NOCT: variants seen among roughly 807,000 people sequenced by gnomAD.
The protein encoded by NOCT is nocturnin.
In NOCT, 18 loss-of-function variants were observed where a neutral mutation model predicts 35.0. The observed-to-expected ratio is 0.51, with a 90% CI of 0.36 to 0.76. NOCT has a LOEUF of 0.76. Among genes scored for constraint, NOCT ranks in the 30% least tolerant of loss-of-function variants. The probability of loss-of-function intolerance (pLI) is 0.01; values close to 1 mark genes in which losing one functional copy is unlikely to be tolerated. For synonymous variants in NOCT, 235 were observed against 226.3 expected (o/e 1.04, Z -0.34); for missense variants, 479 against 541.0 (o/e 0.89, Z 1.14).
chr4:139,024,893 C>T (rs564271773), intron 1 of NOCT, among the ~76,000 whole-genome samples: 60 of 152,288 alleles, frequency 3.9e-4, no homozygotes, highest in Non-Finnish European at 7.9e-4. Flanking sequence ...TGTGAGCCAC[C>T]GCGCCCAGCC....
At position 139,023,542 on chromosome 4, in the gene NOCT, C is replaced by T. The variant is rs181827589; in HGVS notation, c.190+7371C>T. Among the ~76,000 whole-genome samples the T allele has an allele frequency of 1.2e-4, 19 of 152,250 alleles. 1 individual carries two copies. Among genetic ancestry groups the T allele is most frequent in the Admixed American group, 1.2e-3 (19 of 15,290 alleles). On this transcript the variant is annotated intron_variant, in intron 1 of 2. Coordinates refer to ENST00000280614, the MANE Select transcript of NOCT (RefSeq NM_012118.4). ...ATGGAGTCTTGCTCTGTTCCTCAAG[C>T]TGGAGTACGATGGCGCGATGTCAGC... is the stretch of plus-strand genomic sequence containing the variant.
chr4:139,035,541 G>GC (rs1726715274), intron 1 of NOCT, among the ~76,000 whole-genome samples: 1 of 152,098 alleles, frequency 6.6e-6, no homozygotes, highest in Admixed American at 6.6e-5. Flanking sequence ...TTTCACTGCT[G>GC]CCCCCCAGTT....
chr4:139,018,460 C>T lies in NOCT; in HGVS notation c.190+2289C>T, dbSNP rs1489425370. Among the ~76,000 whole-genome samples the T allele has an allele frequency of 2.0e-5, 3 of 152,286 alleles. No homozygotes were observed. The East Asian group carries it at 5.8e-4, about 29-fold the overall frequency. On this transcript the variant is annotated intron_variant, in intron 1 of 2. Coordinates refer to ENST00000280614, the MANE Select transcript of NOCT (RefSeq NM_012118.4). ...ACTTCTTTTAAGAAATCCCCTGAAA[C>T]CCCCTAGTTTTACAGATAAGGAAAT...
At chr4:139,033,246 A>C (rs28650192) in intron 1 of NOCT, among the ~76,000 whole-genome samples, 151,863 of 151,918 alleles carry the variant, frequency 1, 75,904 homozygotes, top group Middle Eastern at 1. Flanking sequence ...GTGACATAAT[A>C]CCAGCTACTC....
At chr4:139,043,483 C>A (rs931152292) in intron 2 of NOCT, 140 bp downstream of exon 2, 4 of 768,444 alleles carry the variant, frequency 5.2e-6, no homozygotes, top group Non-Finnish European at 8.6e-6. Flanking sequence ...TGGAGAGCTC[C>A]TAGAAGAGGT....
Position 139,044,619 on chromosome 4 carries a change from G to T in NOCT, c.461-20G>T. 1 of 1,536,866 alleles carries T rather than the reference G, an allele frequency of 6.5e-7. No homozygotes were observed. Among genetic ancestry groups the T allele is most frequent in the South Asian group, 1.1e-5 (1 of 87,982 alleles). On this transcript the variant is annotated intron_variant, in intron 2 of 2. Coordinates refer to ENST00000280614, the MANE Select transcript of NOCT (RefSeq NM_012118.4). ...CACGGTTTTGTAAGAGCTGACAACT[G>T]ACTAGCTTTTTCTTTTCAGCTCTTG...
chr4:139,045,581 A>AG lies in NOCT; in HGVS notation c.*107_*108insG. On this transcript the variant is annotated 3_prime_UTR_variant, in exon 3 of 3. Coordinates refer to ENST00000280614, the MANE Select transcript of NOCT (RefSeq NM_012118.4). ...GCCTAGGCTGGAGTACAGTGGCCTG[A>AG]TCTCGGCTCACTGCAAGATCCGCCT... 1.7e-6 allele frequency: 1 copy of AG among 605,734 alleles called. No homozygotes were observed. Among genetic ancestry groups the AG allele is most frequent in the Non-Finnish European group, 2.6e-6 (1 of 383,966 alleles). 37.5% of individuals were successfully genotyped at this position (605,734 alleles called of 1,614,324 possible).
chr4:139,025,251 C>T (rs1267275586), intron 1 of NOCT, among the ~76,000 whole-genome samples: 3 of 152,152 alleles, frequency 2.0e-5, no homozygotes, highest in Non-Finnish European at 4.4e-5. Context: ...CTAGTGCCAC[C>T]GTTCACTTTC....
chr4:139,026,732 G>A (rs902171690), intron 1 of NOCT, among the ~76,000 whole-genome samples: 2 of 151,490 alleles, frequency 1.3e-5, no homozygotes, highest in African/African-American at 4.9e-5. Context: ...TGTATTTTTA[G>A]TAGAGATGGG....
At chr4:139,020,138 A>G (rs1368978869) in intron 1 of NOCT, among the ~76,000 whole-genome samples, 1 of 152,252 alleles carries the variant, frequency 6.6e-6, no homozygotes, top group South Asian at 2.1e-4. Flanking sequence ...CAGTTTAAAC[A>G]TGGTGAACTG....
chr4:139,029,043 T>G (rs1726576658), intron 1 of NOCT, among the ~76,000 whole-genome samples: 1 of 152,172 alleles, frequency 6.6e-6, no homozygotes, highest in Non-Finnish European at 1.5e-5. Context: ...TTCACCATGT[T>G]GGTCAGGCTG....
At chr4:139,041,483 C>A (rs1726832134) in intron 1 of NOCT, among the ~76,000 whole-genome samples, 2 of 152,118 alleles carry the variant, frequency 1.3e-5, no homozygotes, top group South Asian at 4.1e-4. Flanking sequence ...AAAATGTGCC[C>A]CTAATTTATA....
intron 1 of NOCT, among the ~76,000 whole-genome samples, chr4:139,042,263 T>C (rs945421599): frequency 2.0e-5 from 3 of 151,818 alleles, no homozygotes; most frequent in Non-Finnish European, 4.4e-5. Context: ...GAGGCAGGGT[T>C]TCTCCATGTT....
intron 1 of NOCT, among the ~76,000 whole-genome samples, chr4:139,017,945 TATCCTC>T (rs1465068245): frequency 1.3e-5 from 2 of 152,196 alleles, no homozygotes; most frequent in Non-Finnish European, 2.9e-5. Flanking sequence ...GGCCTCGAGT[TATCCTC>T]AGACTCTGGA....
chr4:139,039,603 C>CA (rs894074795), intron 1 of NOCT, among the ~76,000 whole-genome samples: 1 of 151,642 alleles, frequency 6.6e-6, no homozygotes, highest in African/African-American at 2.4e-5. Flanking sequence ...TTAAAAAAAG[C>CA]AATCCTTAGG....
intron 1 of NOCT, among the ~76,000 whole-genome samples, chr4:139,018,462 C>T (rs1208972701): frequency 6.6e-6 from 1 of 152,130 alleles, no homozygotes; most frequent in African/African-American, 2.4e-5. Flanking sequence ...CCCTGAAACC[C>T]CCTAGTTTTA....
Position 139,045,186 on chromosome 4 carries a change from C to T in NOCT, c.1008C>T (p.His336=). 6.2e-7 allele frequency: 1 copy of T among 1,614,220 alleles called. No individual in the cohort carries two copies. Among genetic ancestry groups the T allele is most frequent in the Non-Finnish European group, 8.5e-7 (1 of 1,180,038 alleles). The change falls in exon 3 of 3, where the codon CAC becomes CAT. Residue 336 remains histidine, a synonymous_variant. Transcript: ENST00000280614. ...AGCCAACAGAAGAGGTCTACAAACA[C>T]TTTGCTTCCTCCAGCCTCAACCTGA... is the stretch of plus-strand genomic sequence containing the variant. The part of the protein sequence containing the change: ...NAEPTEEVYK[H]FASSSLNLNS...
At chr4:139,018,337 A>G (rs1726352225) in intron 1 of NOCT, among the ~76,000 whole-genome samples, 1 of 152,230 alleles carries the variant, frequency 6.6e-6, no homozygotes, top group African/African-American at 2.4e-5. Flanking sequence ...TGTGTAAAAC[A>G]TAGATGGCTG....
chr4:139,041,829 AT>A (rs932749011), intron 1 of NOCT, among the ~76,000 whole-genome samples: 1 of 152,146 alleles, frequency 6.6e-6, no homozygotes, highest in African/African-American at 2.4e-5. Context: ...TTGATACAAG[AT>A]TATAGAGTAT....
Sources: gnomAD v4.1 joint callset for allele counts (sites outside exome capture counted in the v4.1 genomes callset) on GRCh38, gnomAD v4.1.1 for gene constraint, MANE v1.5 for transcripts, NCBI Gene and HGNC (gene_info 2026-07-23, HGNC 2026-07-21) for gene names.